Variants in NCAM1 observed in about 807,000 individuals in gnomAD.
NCAM1 encodes neural cell adhesion molecule 1.
Under a neutral mutation model 109.8 loss-of-function variants are expected in NCAM1, and 14 were observed. That is an observed-to-expected ratio of 0.13 (90% CI 0.08 to 0.20). NCAM1 has a LOEUF of 0.20. Ranked by LOEUF, NCAM1 falls within the 10% of genes least tolerant of loss-of-function variation. The probability of loss-of-function intolerance (pLI) is 1.00; values close to 1 mark genes in which losing one functional copy is unlikely to be tolerated. For synonymous variants in NCAM1, 418 were observed against 442.9 expected, an observed-to-expected ratio of 0.94 and a Z score of 0.70; for missense variants, 774 against 1,109.9, an observed-to-expected ratio of 0.70 and a Z score of 4.30.
chr11:113,017,930 A>G (rs1375474081), intron 1 of NCAM1, among the ~76,000 whole-genome samples: 2 of 152,234 alleles, frequency 1.3e-5, no homozygotes, highest in African/African-American at 4.8e-5. Flanking sequence ...GATTCCTTCC[A>G]ACAAACAATT....
chr11:113,106,046 C>T (rs1218178203), intron 1 of NCAM1, among the ~76,000 whole-genome samples: 1 of 151,922 alleles, frequency 6.6e-6, no homozygotes, highest in Non-Finnish European at 1.5e-5. Context: ...TAAAATAATT[C>T]ATTTATTTAC....
intron 1 of NCAM1, among the ~76,000 whole-genome samples, chr11:113,183,808 G>A (rs1421098746): frequency 1.1e-4 from 16 of 152,186 alleles, no homozygotes; most frequent in African/African-American, 2.9e-4. Context: ...AATCTTGTGG[G>A]TCAGTGTCCT....
At chr11:113,173,236 G>GTCTGT (rs565581135) in intron 1 of NCAM1, among the ~76,000 whole-genome samples, 35 of 152,274 alleles carry the variant, frequency 2.3e-4, no homozygotes, top group African/African-American at 7.7e-4. Context: ...TGTCTCTCAT[G>GTCTGT]TCTGTCAAAA....
At chr11:113,107,578 C>T (rs1262350905) in intron 1 of NCAM1, among the ~76,000 whole-genome samples, 2 of 152,108 alleles carry the variant, frequency 1.3e-5, no homozygotes, top group African/African-American at 2.4e-5. Flanking sequence ...AAAGGCATTT[C>T]TTATGTGCTG....
chr11:113,268,038 G>A (rs1555124654), intron 17 of NCAM1, among the ~76,000 whole-genome samples: 1 of 152,134 alleles, frequency 6.6e-6, no homozygotes, highest in Admixed American at 6.5e-5. Context: ...CACCTATCGG[G>A]TACTGATGTC....
intron 1 of NCAM1, among the ~76,000 whole-genome samples, chr11:113,062,399 C>A (rs1413620446): frequency 6.6e-6 from 1 of 152,076 alleles, no homozygotes; most frequent in African/African-American, 2.4e-5. Context: ...GTTTTCAGCA[C>A]GACTAATTTT....
chr11:113,263,120 A>G (rs1946054738), intron 17 of NCAM1: 3 of 1,296,906 alleles, frequency 2.3e-6, no homozygotes, highest in Non-Finnish European at 2.9e-6. Context: ...CTTTTGTGCC[A>G]CTTCATAAGG....
chr11:113,038,932 A>G (rs1167096040), intron 1 of NCAM1, among the ~76,000 whole-genome samples: 2 of 152,202 alleles, frequency 1.3e-5, no homozygotes, highest in African/African-American at 4.8e-5. Context: ...TATAGTTCAC[A>G]AATACTGCGG....
rs1946059062 is a variant in NCAM1, at chr11:113,263,277, T to TC, written c.2131+2954_2131+2955insC. 3 of 1,020,478 alleles carry TC rather than the reference T, an allele frequency of 2.9e-6. No homozygotes were observed. The Admixed American group carries it at 1.6e-4, about 54-fold the overall frequency. 63.2% of individuals were successfully genotyped at this position (1,020,478 alleles called of 1,614,324 possible). ...TTTGGGTTCAAACCTAAATATGATG[T>TC]AGCAGAGGAAGAATTCTAAGTACCT... On this transcript the variant is annotated intron_variant, in intron 17 of 19. Coordinates refer to ENST00000316851, the MANE Select transcript of NCAM1 (RefSeq NM_181351.5).
At chr11:113,237,909 T>TATAG (rs1565521271) in intron 14 of NCAM1, among the ~76,000 whole-genome samples, 2 of 16,132 alleles carry the variant, frequency 1.2e-4, no homozygotes, top group Admixed American at 6.9e-4. Context: ...TATATAGATA[T>TATAG]ATATAGATAT....
At chr11:113,141,738 G>T (rs985885398) in intron 1 of NCAM1, among the ~76,000 whole-genome samples, 4 of 152,006 alleles carry the variant, frequency 2.6e-5, no homozygotes, top group Non-Finnish European at 1.5e-5. Context: ...TTCCCACAAC[G>T]TAGTGAGCCG....
intron 1 of NCAM1, among the ~76,000 whole-genome samples, chr11:113,109,468 A>C (rs1343867213): frequency 1.3e-5 from 2 of 152,132 alleles, no homozygotes; most frequent in African/African-American, 4.8e-5. Context: ...ATGTGATGAG[A>C]GCAAAAATTG....
chr11:113,128,906 GGTGTGTGTGTGT>G (rs782123739), intron 1 of NCAM1, among the ~76,000 whole-genome samples: 68 of 84,926 alleles, frequency 8.0e-4, no homozygotes, highest in African/African-American at 1.5e-3. Context: ...AAGTTGTGAG[GGTGTGTGTGTGT>G]GTGTGTGTGT....
intron 19 of NCAM1, 81 bp downstream of exon 19, chr11:113,271,957 C>A: frequency 9.5e-7 from 1 of 1,049,684 alleles, no homozygotes; most frequent in South Asian, 1.5e-5. Flanking sequence ...ACCTCCCGTG[C>A]CCCTACCCAC....
At chr11:113,065,315 G>T (rs1314119812) in intron 1 of NCAM1, among the ~76,000 whole-genome samples, 5 of 152,104 alleles carry the variant, frequency 3.3e-5, no homozygotes, top group Non-Finnish European at 7.4e-5. Context: ...ACATGCAAAA[G>T]AATTTTAAAT....
At chr11:113,088,955 C>A (rs911768149) in intron 1 of NCAM1, among the ~76,000 whole-genome samples, 5 of 152,144 alleles carry the variant, frequency 3.3e-5, no homozygotes, top group African/African-American at 9.7e-5. Context: ...GTAAAATTAG[C>A]AAAGCAGTTG....
chr11:113,033,329 T>A (rs1157150400), intron 1 of NCAM1, among the ~76,000 whole-genome samples: 38 of 152,258 alleles, frequency 2.5e-4, no homozygotes, highest in Middle Eastern at 3.4e-3. Context: ...CAGCAGCAGT[T>A]GTTGTTGTTG....
chr11:113,044,147 G>T (rs1274201786), intron 1 of NCAM1, among the ~76,000 whole-genome samples: 1 of 152,046 alleles, frequency 6.6e-6, no homozygotes, highest in Non-Finnish European at 1.5e-5. Context: ...ACTCTGCCTG[G>T]TTCCTTCCTG....
chr11:113,268,429 G>A (rs546797169), intron 17 of NCAM1, among the ~76,000 whole-genome samples: 1 of 152,244 alleles, frequency 6.6e-6, no homozygotes, highest in Non-Finnish European at 1.5e-5. Context: ...GGTCAGCAGG[G>A]ACCAGCCAGA....
Sources: gnomAD v4.1 joint callset for allele counts (sites outside exome capture counted in the v4.1 genomes callset) on GRCh38, gnomAD v4.1.1 for gene constraint, MANE v1.5 for transcripts, NCBI Gene and HGNC (gene_info 2026-07-23, HGNC 2026-07-21) for gene names.